Variants in LPAR3 observed in about 807,000 individuals in gnomAD.
LPAR3 encodes lysophosphatidic acid receptor 3.
A neutral mutation model predicts 17.8 loss-of-function variants in LPAR3; 7 were observed. That is an observed-to-expected ratio of 0.39 (90% CI 0.22 to 0.74). The LOEUF is 0.74. Ranked by LOEUF, LPAR3 falls within the 30% of genes least tolerant of loss-of-function variation. LPAR3 has a pLI of 0.40. For synonymous variants in LPAR3, 179 were observed against 179.9 expected (o/e 0.99, Z 0.04); for missense variants, 391 against 453.4 (o/e 0.86, Z 1.25).
At chr1:84,815,746 T>C (rs1658920154) in intron 2 of LPAR3, among the ~76,000 whole-genome samples, 1 of 152,170 alleles carries the variant, frequency 6.6e-6, no homozygotes, top group African/African-American at 2.4e-5. Flanking sequence ...TCAGAGGTCA[T>C]GGAAAGTGGT....
intron 2 of LPAR3, among the ~76,000 whole-genome samples, chr1:84,840,140 T>G (rs538236083): frequency 1.3e-5 from 2 of 151,884 alleles, no homozygotes; most frequent in Non-Finnish European, 2.9e-5. Flanking sequence ...GCCCAGCTGG[T>G]TTCAAACTCC....
At chr1:84,841,124 G>T (rs1454934002) in intron 2 of LPAR3, among the ~76,000 whole-genome samples, 1 of 152,088 alleles carries the variant, frequency 6.6e-6, no homozygotes, top group Non-Finnish European at 1.5e-5. Context: ...TCCAGGCTTT[G>T]GCAATGAAAA....
chr1:84,871,005 G>A (rs1439805765), intron 1 of LPAR3, among the ~76,000 whole-genome samples: 1 of 152,054 alleles, frequency 6.6e-6, no homozygotes, highest in Non-Finnish European at 1.5e-5. Flanking sequence ...TTAACCCTGA[G>A]AAGACACTTT....
intron 1 of LPAR3, among the ~76,000 whole-genome samples, chr1:84,892,079 G>C (rs1397155224): frequency 1.3e-5 from 2 of 151,986 alleles, no homozygotes; most frequent in Non-Finnish European, 2.9e-5. Context: ...CTAGCGTGGT[G>C]GTGGGCGCCT....
At chr1:84,887,117 C>A (rs1356157528) in intron 1 of LPAR3, among the ~76,000 whole-genome samples, 1 of 151,910 alleles carries the variant, frequency 6.6e-6, no homozygotes, top group Non-Finnish European at 1.5e-5. Flanking sequence ...GTAATCCCAG[C>A]ACTTTGGGAG....
At chr1:84,839,681 GTAAAATAAAA>G (rs149291447) in intron 2 of LPAR3, among the ~76,000 whole-genome samples, 1 of 149,410 alleles carries the variant, frequency 6.7e-6, no homozygotes, top group Non-Finnish European at 1.5e-5. Flanking sequence ...AAATAAATAC[GTAAAATAAAA>G]TAAAATAAAA....
chr1:84,888,989 A>T (rs571913702), intron 1 of LPAR3, among the ~76,000 whole-genome samples: 9 of 152,298 alleles, frequency 5.9e-5, no homozygotes, highest in African/African-American at 2.2e-4. Flanking sequence ...AGGTGTACAA[A>T]TGATTCACAT....
At chr1:84,887,535 G>C (rs1410568983) in intron 1 of LPAR3, among the ~76,000 whole-genome samples, 1 of 152,160 alleles carries the variant, frequency 6.6e-6, no homozygotes, top group East Asian at 1.9e-4. Context: ...TAGTACAAAG[G>C]TGTTTTCAAA....
At chr1:84,819,706 C>T (rs565169977) in intron 2 of LPAR3, among the ~76,000 whole-genome samples, 1 of 152,160 alleles carries the variant, frequency 6.6e-6, no homozygotes, top group Non-Finnish European at 1.5e-5. Context: ...AATAAATATA[C>T]AAAGAGTGGC....
intron 1 of LPAR3, among the ~76,000 whole-genome samples, chr1:84,868,352 C>T (rs1309653928): frequency 3.3e-5 from 5 of 152,110 alleles, no homozygotes; most frequent in Admixed American, 1.3e-4. Flanking sequence ...TCAGGTGATC[C>T]GCCCACCTTG....
intron 1 of LPAR3, among the ~76,000 whole-genome samples, chr1:84,883,233 A>G (rs1660396474): frequency 6.6e-6 from 1 of 152,226 alleles, no homozygotes; most frequent in Non-Finnish European, 1.5e-5. Context: ...GCTTGTTCCC[A>G]AAAGGCTGGG....
intron 2 of LPAR3, among the ~76,000 whole-genome samples, chr1:84,852,704 G>A (rs1659742365): frequency 6.6e-6 from 1 of 152,156 alleles, no homozygotes; most frequent in African/African-American, 2.4e-5. Flanking sequence ...GGACCCAAAG[G>A]AGAAGGAACA....
intron 2 of LPAR3, among the ~76,000 whole-genome samples, chr1:84,849,231 C>T (rs763677873): frequency 1.5e-4 from 22 of 151,710 alleles, no homozygotes; most frequent in Admixed American, 9.2e-4. Context: ...AAAAATTAGC[C>T]GGGCGTGGTG....
intron 1 of LPAR3, among the ~76,000 whole-genome samples, chr1:84,878,604 A>G (rs1405959044): frequency 5.3e-5 from 8 of 152,204 alleles, no homozygotes; most frequent in Non-Finnish European, 1.0e-4. Flanking sequence ...CCATGAGGGC[A>G]GCATGTATGC....
intron 2 of LPAR3, among the ~76,000 whole-genome samples, chr1:84,821,261 C>T (rs1283812659): frequency 5.3e-5 from 8 of 151,844 alleles, no homozygotes; most frequent in African/African-American, 1.9e-4. Context: ...TTAACTAAAG[C>T]CCTATGTAGC....
chr1:84,866,729 T>A (rs1411976765), intron 1 of LPAR3, among the ~76,000 whole-genome samples: 1 of 152,220 alleles, frequency 6.6e-6, no homozygotes, highest in African/African-American at 2.4e-5. Flanking sequence ...TTTCTATGAC[T>A]TCTGATTCCA....
intron 2 of LPAR3, among the ~76,000 whole-genome samples, chr1:84,830,633 T>C (rs901246792): frequency 9.2e-5 from 14 of 152,304 alleles, no homozygotes; most frequent in African/African-American, 2.6e-4. Context: ...ATTTTCAGCT[T>C]GGATTTTCGA....
chr1:84,830,158 A>G (rs1189656888), intron 2 of LPAR3, among the ~76,000 whole-genome samples: 2 of 152,226 alleles, frequency 1.3e-5, no homozygotes, highest in African/African-American at 4.8e-5. Flanking sequence ...CTGTTCTCGT[A>G]GCTAGTTCTG....
intron 2 of LPAR3, among the ~76,000 whole-genome samples, chr1:84,846,879 T>A (rs1331205845): frequency 6.6e-6 from 1 of 152,176 alleles, no homozygotes; most frequent in Non-Finnish European, 1.5e-5. Flanking sequence ...ATGTATTTTT[T>A]AAATAGGTCC....
Sources: gnomAD v4.1 joint callset for allele counts (sites outside exome capture counted in the v4.1 genomes callset) on GRCh38, gnomAD v4.1.1 for gene constraint, MANE v1.5 for transcripts, NCBI Gene and HGNC (gene_info 2026-07-23, HGNC 2026-07-21) for gene names.